Variants in ATOSB observed in about 807,000 individuals in gnomAD.
ATOSB encodes atos homolog B.
the ATOSB span, among the ~76,000 whole-genome samples, chr9:35,113,238 G>T: frequency 7.2e-5 from 11 of 152,186 alleles, no homozygotes; most frequent in Admixed American, 1.3e-4. Flanking sequence ...CCAGGCCTTG[G>T]TTACCTACAA....
At chr9:35,108,739 TGAGGA>T in the ATOSB span, 2 of 975,326 alleles carry the variant, frequency 2.1e-6, no homozygotes, top group African/African-American at 1.8e-5. Flanking sequence ...AGCAGGACCC[TGAGGA>T]GAGAAGAACA....
chr9:35,114,066 T>C, the ATOSB span, among the ~76,000 whole-genome samples: 1 of 152,200 alleles, frequency 6.6e-6, no homozygotes, highest in Non-Finnish European at 1.5e-5. Flanking sequence ...ACAATTCTAA[T>C]GACTGTTGTT....
chr9:35,106,656 G>C, the ATOSB span: 1 of 1,536,142 alleles, frequency 6.5e-7, no homozygotes, highest in Non-Finnish European at 8.8e-7. This position sits in a 1 kb window ranked among gnomAD's most constrained non-coding sequence, Gnocchi z 4.6. Flanking sequence ...GGTAGAGGAA[G>C]GGAAACACAG....
At chr9:35,107,860 C>A in the ATOSB span, 1 of 1,598,798 alleles carries the variant, frequency 6.3e-7, no homozygotes, top group African/African-American at 1.3e-5. Flanking sequence ...CTCCAGGCCC[C>A]CGAAGTCCAA....
At chr9:35,104,946 A>G in the ATOSB span, 1 of 312,744 alleles carries the variant, frequency 3.2e-6, no homozygotes, top group Non-Finnish European at 5.8e-6. Flanking sequence ...TTGCCTGGGA[A>G]CTTGAGAAAA....
At chr9:35,112,340 T>A in the ATOSB span, 1 of 152,188 alleles carries the variant, frequency 6.6e-6, no homozygotes, top group Non-Finnish European at 1.5e-5. Flanking sequence ...AGGCCCATGT[T>A]CAAGGAGACA....
At chr9:35,105,546 C>G in the ATOSB span, 2 of 1,044,852 alleles carry the variant, frequency 1.9e-6, no homozygotes, top group African/African-American at 3.2e-5. This position sits in a 1 kb window ranked among gnomAD's most constrained non-coding sequence, Gnocchi z 5.5. Flanking sequence ...TGAATACATA[C>G]ATATATATGT....
the ATOSB span, among the ~76,000 whole-genome samples, chr9:35,115,393 G>A: frequency 6.6e-6 from 1 of 151,980 alleles, no homozygotes; most frequent in Non-Finnish European, 1.5e-5. Context: ...GCCCTAAACT[G>A]TTACTTTGTC....
the ATOSB span, among the ~76,000 whole-genome samples, chr9:35,111,793 G>C: frequency 1.3e-5 from 2 of 152,162 alleles, no homozygotes; most frequent in African/African-American, 4.8e-5. Context: ...CTTACCCAAG[G>C]TCGCTCCGCC....
chr9:35,110,633 G>A, the ATOSB span: 2 of 152,464 alleles, frequency 1.3e-5, no homozygotes, highest in South Asian at 4.1e-4. Flanking sequence ...GGCAGCAGCT[G>A]GCATCAAACA....
chr9:35,105,831 CA>C, the ATOSB span: 1 of 1,614,152 alleles, frequency 6.2e-7, no homozygotes, highest in Non-Finnish European at 8.5e-7. This position sits in a 1 kb window ranked among gnomAD's most constrained non-coding sequence, Gnocchi z 5.5. Context: ...ACATCTTTAC[CA>C]CAGTCTGGTT....
the ATOSB span, chr9:35,107,766 G>A: frequency 6.4e-7 from 1 of 1,565,212 alleles, no homozygotes; most frequent in Non-Finnish European, 8.6e-7. Flanking sequence ...CTCCCCCAGG[G>A]ACCCCTGTCC....
the ATOSB span, chr9:35,106,712 C>G: frequency 6.8e-7 from 1 of 1,461,326 alleles, no homozygotes; most frequent in Non-Finnish European, 9.3e-7. The surrounding 1 kb of genome is among the most constrained non-coding windows in gnomAD (Gnocchi z 4.6). Flanking sequence ...TGCCCTTGGA[C>G]TCCACCCTCT....
chr9:35,105,284 GA>G, the ATOSB span: 1 of 1,614,160 alleles, frequency 6.2e-7, no homozygotes, highest in Non-Finnish European at 8.5e-7. The surrounding 1 kb of genome is among the most constrained non-coding windows in gnomAD (Gnocchi z 5.5). Flanking sequence ...GTTCGTAGGG[GA>G]GCCCTGTGTC....
the ATOSB span, chr9:35,105,312 C>G: frequency 6.2e-7 from 1 of 1,613,982 alleles, no homozygotes; most frequent in Non-Finnish European, 8.5e-7. The surrounding 1 kb of genome is among the most constrained non-coding windows in gnomAD (Gnocchi z 5.5). Flanking sequence ...CAGGCTCCGG[C>G]GGGAAAAAAG....
At chr9:35,109,769 AGT>A in the ATOSB span, 4 of 152,470 alleles carry the variant, frequency 2.6e-5, no homozygotes, top group African/African-American at 9.6e-5. Context: ...CACCTATGGC[AGT>A]GTTACTACTT....
At chr9:35,109,655 C>G in the ATOSB span, 1 of 152,224 alleles carries the variant, frequency 6.6e-6, no homozygotes, top group South Asian at 2.1e-4. Context: ...CCTTTGAATG[C>G]CTACCCAAGA....
At chr9:35,108,835 T>C in the ATOSB span, 1 of 268,058 alleles carries the variant, frequency 3.7e-6, no homozygotes, top group Non-Finnish European at 5.8e-6. Flanking sequence ...GACATCCTTC[T>C]CCCATGTGAG....
the ATOSB span, chr9:35,108,438 AGGG>A: frequency 7.2e-7 from 1 of 1,392,376 alleles, no homozygotes; most frequent in Non-Finnish European, 9.3e-7. Context: ...CCTTGCCTAA[AGGG>A]GTGACTTTGA....
Sources: allele counts gnomAD v4.1 joint callset (sites outside exome capture counted in the v4.1 genomes callset), GRCh38; gene constraint gnomAD v4.1.1; non-coding constraint Gnocchi (gnomAD v3.1); transcripts MANE v1.5; gene names NCBI Gene and HGNC (gene_info 2026-07-23, HGNC 2026-07-21).